Variants in IQCJ observed in about 807,000 individuals in gnomAD.
The protein encoded by IQCJ is IQ domain-containing protein J.
A neutral mutation model predicts 11.0 loss-of-function variants in IQCJ; 9 were observed. That is an observed-to-expected ratio of 0.82 (90% CI 0.49 to 1.43). The LOEUF is 1.43. Among genes scored for constraint, IQCJ ranks in the 40% most tolerant of loss-of-function variants. The pLI is 0.00. For synonymous variants in IQCJ, 55 were observed against 51.3 expected (o/e 1.07, Z -0.31); for missense variants, 146 against 133.2 (o/e 1.10, Z -0.47).
chr3:159,242,029 G>A (rs1726954037), intron 1 of IQCJ, among the ~76,000 whole-genome samples: 1 of 152,212 alleles, frequency 6.6e-6, no homozygotes, highest in South Asian at 2.1e-4. Context: ...AATGTTGATT[G>A]TAATTGTGCA....
rs369958617 is a variant in IQCJ, at chr3:159,161,454, T to C, written c.10-84389T>C. On this transcript the variant is annotated intron_variant, in intron 1 of 3. Coordinates refer to ENST00000397832, the MANE Select transcript of IQCJ (RefSeq NM_001042706.3). Reference sequence around the variant, plus strand: ...AGCCCTTTGTCAGATGAGTAGGTTGTGAAAATTTTCTCCCAATTTGTAGGT... The same window carrying C: ...AGCCCTTTGTCAGATGAGTAGGTTGCGAAAATTTTCTCCCAATTTGTAGGT... Among the ~76,000 whole-genome samples, 12 of 152,266 alleles carry C rather than the reference T, an allele frequency of 7.9e-5. No homozygotes were observed. The South Asian group carries it at 2.5e-3, about 32-fold the overall frequency.
chr3:159,139,834 T>A (rs1045627650), intron 1 of IQCJ, among the ~76,000 whole-genome samples: 5 of 152,140 alleles, frequency 3.3e-5, no homozygotes, highest in African/African-American at 1.2e-4. Context: ...TGAGTGAGGA[T>A]TAGATATAAG....
intron 1 of IQCJ, among the ~76,000 whole-genome samples, chr3:159,093,561 G>A (rs1055710208): frequency 1.1e-4 from 17 of 151,726 alleles, no homozygotes; most frequent in Admixed American, 5.9e-4. Context: ...TGGCAGGACA[G>A]GGTCTACCTT....
intron 1 of IQCJ, among the ~76,000 whole-genome samples, chr3:159,078,860 C>T (rs1412552984): frequency 6.6e-6 from 1 of 152,022 alleles, no homozygotes; most frequent in African/African-American, 2.4e-5. Context: ...ATAGCTTTAA[C>T]CTTCCATGGC....
At chr3:159,183,506 T>C (rs2108021170) in intron 1 of IQCJ, among the ~76,000 whole-genome samples, 1 of 152,276 alleles carries the variant, frequency 6.6e-6, no homozygotes, top group East Asian at 1.9e-4. Context: ...CTTCCCCATT[T>C]TGTTTTTCCA....
chr3:159,115,571 G>A lies in IQCJ; in HGVS notation c.9+46130G>A, dbSNP rs1469627193. On this transcript the variant is annotated intron_variant, in intron 1 of 3. Coordinates refer to ENST00000397832, the MANE Select transcript of IQCJ (RefSeq NM_001042706.3). ...CTAGTGAGGAAGATTAGGAGCAACT[G>A]GAAGCCATGGTGAAATATACTTCAT... 6.6e-5 allele frequency among the ~76,000 whole-genome samples: 10 copies of A among 152,276 alleles called. No individual in the cohort carries two copies. The South Asian group carries it at 1.0e-3, about 16-fold the overall frequency.
At chr3:159,143,303 A>C (rs902113451) in intron 1 of IQCJ, among the ~76,000 whole-genome samples, 3 of 152,234 alleles carry the variant, frequency 2.0e-5, no homozygotes, top group Non-Finnish European at 4.4e-5. Context: ...AGTATGGTCC[A>C]AGTACTGTTC....
At chr3:159,235,977 C>T (rs1726558689) in intron 1 of IQCJ, among the ~76,000 whole-genome samples, 1 of 152,152 alleles carries the variant, frequency 6.6e-6, no homozygotes, top group Admixed American at 6.5e-5. Context: ...TCAGTGATTA[C>T]TGCTGTAAGA....
intron 1 of IQCJ, among the ~76,000 whole-genome samples, chr3:159,147,110 C>T (rs1720965230): frequency 6.6e-6 from 1 of 152,114 alleles, no homozygotes. Flanking sequence ...TTTTAATATG[C>T]CAATGTAGAA....
intron 1 of IQCJ, among the ~76,000 whole-genome samples, chr3:159,216,871 T>C (rs946665673): frequency 6.6e-6 from 1 of 152,126 alleles, no homozygotes; most frequent in Non-Finnish European, 1.5e-5. Context: ...CTTGTGAGTA[T>C]ATATGAAGTC....
At position 159,129,417 on chromosome 3, in the gene IQCJ, C is replaced by A. The variant is rs141969885; in HGVS notation, c.9+59976C>A. On this transcript the variant is annotated intron_variant, in intron 1 of 3. Transcript: ENST00000397832. ...ATCTAATTGCACCTGAAAATATATT[C>A]CATTATTTGTAACCTCCTTGCCTTC... Among the ~76,000 whole-genome samples the A allele has an allele frequency of 1.3e-3, 193 of 152,282 alleles. No individual in the cohort carries two copies. The East Asian group carries it at 0.026, about 20-fold the overall frequency.
intron 1 of IQCJ, among the ~76,000 whole-genome samples, chr3:159,171,238 T>A (rs1360928152): frequency 6.6e-6 from 1 of 152,180 alleles, no homozygotes; most frequent in African/African-American, 2.4e-5. Flanking sequence ...TCTATATTTA[T>A]CTGTCCACAT....
At chr3:159,235,811 GT>G (rs1242255793) in intron 1 of IQCJ, among the ~76,000 whole-genome samples, 2 of 152,150 alleles carry the variant, frequency 1.3e-5, no homozygotes. Context: ...ACGTAGTCTG[GT>G]TGGTCAAACA....
At chr3:159,113,613 A>G (rs1380285121) in intron 1 of IQCJ, among the ~76,000 whole-genome samples, 2 of 152,208 alleles carry the variant, frequency 1.3e-5, no homozygotes, top group Non-Finnish European at 2.9e-5. Flanking sequence ...CAACACCTAC[A>G]ATGGGAAGTG....
At chr3:159,209,634 G>T (rs1422053707) in intron 1 of IQCJ, among the ~76,000 whole-genome samples, 1 of 152,170 alleles carries the variant, frequency 6.6e-6, no homozygotes, top group East Asian at 1.9e-4. Context: ...AGACACTGCT[G>T]TGGGCGGGTA....
rs1717187464 is a variant in IQCJ at position 159,090,478 on chromosome 3, C to T, written c.9+21037C>T. ...AAGATTGTTGGATGCTGGGTCAGTTCTGAGAAGCACATCGTCCGTAGAGTT... is the reference window on the plus strand; with the variant it reads ...AAGATTGTTGGATGCTGGGTCAGTTTTGAGAAGCACATCGTCCGTAGAGTT... On this transcript the variant is annotated intron_variant, in intron 1 of 3. Coordinates refer to ENST00000397832, the MANE Select transcript of IQCJ (RefSeq NM_001042706.3). Among the ~76,000 whole-genome samples, 3 of 151,848 alleles carry T rather than the reference C, an allele frequency of 2.0e-5. No homozygotes were observed. In the South Asian group the frequency reaches 6.2e-4, roughly 31 times the overall value.
intron 1 of IQCJ, among the ~76,000 whole-genome samples, chr3:159,147,959 G>T (rs938843428): frequency 1.3e-5 from 2 of 152,218 alleles, no homozygotes; most frequent in Non-Finnish European, 2.9e-5. Flanking sequence ...CCCCAGACCA[G>T]CAGCATCAAC....
intron 1 of IQCJ, among the ~76,000 whole-genome samples, chr3:159,105,600 C>A (rs760610964): frequency 6.6e-6 from 1 of 152,022 alleles, no homozygotes; most frequent in Non-Finnish European, 1.5e-5. Flanking sequence ...GATATTTAGA[C>A]TGTTTGGTCA....
intron 3 of IQCJ, among the ~76,000 whole-genome samples, chr3:159,260,274 A>G (rs1046589070): frequency 2.6e-5 from 4 of 152,204 alleles, no homozygotes; most frequent in East Asian, 3.8e-4. Context: ...TCAACAAGCT[A>G]AAATGTAGTA....
Sources: allele counts gnomAD v4.1 joint callset (sites outside exome capture counted in the v4.1 genomes callset), GRCh38; gene constraint gnomAD v4.1.1; transcripts MANE v1.5; gene names NCBI Gene and HGNC (gene_info 2026-07-23, HGNC 2026-07-21).